PUM2: variants seen among roughly 807,000 people sequenced by gnomAD.
The protein encoded by PUM2 is pumilio RNA binding family member 2, also known as pumilio homolog 2.
A neutral mutation model predicts 124.5 loss-of-function variants in PUM2; 57 were observed. The observed-to-expected ratio is 0.46, with a 90% confidence interval of 0.37 to 0.57. The LOEUF is 0.57. Among genes scored for constraint, PUM2 ranks in the 20% least tolerant of loss-of-function variants. PUM2 has a pLI of 0.00. For synonymous variants in PUM2, 460 were observed against 446.1 expected (o/e 1.03, Z -0.39); for missense variants, 1,065 against 1,290.6 (o/e 0.83, Z 2.68).
chr2:20,308,565 G>T lies in PUM2; in HGVS notation c.538C>A (p.Gln180Lys). Residue 180 changes from glutamine to lysine, a missense_variant, in exon 6 of 21, where the codon CAA becomes AAA. This residue lies in a region of PUM2 where 968 missense variants were observed against 1,159.8 expected (regional missense o/e 0.83). Transcript: ENST00000361078. ...KDFNRTPGSRQASPTEVVERL... is the reference protein window; with the variant it reads ...KDFNRTPGSRKASPTEVVERL... ...TCAACTACTTCAGTTGGAGAGGCTT[G>T]ACGACTTCCAGGAGTACGACTACAT... The T allele has an allele frequency of 6.2e-7, 1 of 1,613,156 alleles. No individual in the cohort carries two copies. Among genetic ancestry groups the T allele is most frequent in the South Asian group, 1.1e-5 (1 of 90,948 alleles).
At chr2:20,319,367 A>C (rs1411852600) in intron 2 of PUM2, among the ~76,000 whole-genome samples, 1 of 152,198 alleles carries the variant, frequency 6.6e-6, no homozygotes, top group East Asian at 1.9e-4. Flanking sequence ...TGTTTGTTTG[A>C]GAAGAACAGA....
chr2:20,342,077 G>A (rs1236066933), intron 1 of PUM2, among the ~76,000 whole-genome samples: 2 of 150,342 alleles, frequency 1.3e-5, no homozygotes, highest in Non-Finnish European at 3.0e-5. Flanking sequence ...TGCATGGAGC[G>A]GAGATTGCGC....
At chr2:20,306,467 C>T (rs1678321695) in intron 7 of PUM2, among the ~76,000 whole-genome samples, 2 of 151,876 alleles carry the variant, frequency 1.3e-5, no homozygotes, top group South Asian at 4.2e-4. Context: ...CATGAATAGA[C>T]AGGTAGCAGT....
chr2:20,303,826 T>C (rs141508559), intron 7 of PUM2, among the ~76,000 whole-genome samples: 2 of 152,318 alleles, frequency 1.3e-5, no homozygotes, highest in African/African-American at 4.8e-5. Context: ...GACCATGAAA[T>C]GGCTCCTTTT....
intron 1 of PUM2, chr2:20,350,389 C>T (rs1478395881): frequency 5.8e-5 from 47 of 813,114 alleles, no homozygotes; most frequent in South Asian, 1.1e-4. Flanking sequence ...CGCGGCGCCC[C>T]CTCCCCCGCA....
At chr2:20,322,040 G>C (rs1254163905) in intron 2 of PUM2, among the ~76,000 whole-genome samples, 1 of 151,624 alleles carries the variant, frequency 6.6e-6, no homozygotes, top group Non-Finnish European at 1.5e-5. Flanking sequence ...CTATACTTCA[G>C]ACTTTTTAAA....
chr2:20,290,839 A>G, intron 9 of PUM2, 49 bp from the exon 10 acceptor site: 1 of 1,393,718 alleles, frequency 7.2e-7, no homozygotes, highest in Non-Finnish European at 9.5e-7. Flanking sequence ...ATAATAGATA[A>G]GTAAATTTAT....
At chr2:20,322,003 C>A (rs1031898030) in intron 2 of PUM2, among the ~76,000 whole-genome samples, 4 of 152,056 alleles carry the variant, frequency 2.6e-5, no homozygotes, top group Non-Finnish European at 5.9e-5. Flanking sequence ...AAAATAAACT[C>A]CCACTCAGGC....
chr2:20,341,784 T>C (rs1357542929), intron 1 of PUM2, among the ~76,000 whole-genome samples: 1 of 152,218 alleles, frequency 6.6e-6, no homozygotes, highest in African/African-American at 2.4e-5. Context: ...TTTCAATTGT[T>C]ACATGCTATC....
At chr2:20,266,346 A>G (rs1264210509) in intron 13 of PUM2, among the ~76,000 whole-genome samples, 1 of 151,816 alleles carries the variant, frequency 6.6e-6, no homozygotes, top group Non-Finnish European at 1.5e-5. Context: ...GGGGAGGGTG[A>G]GGTTGCGAGG....
rs774985208 is a variant in PUM2, at chr2:20,274,957, CAAAA to C, written c.1957+3622_1957+3625del. Among the ~76,000 whole-genome samples the C allele has an allele frequency of 0.016, 518 of 31,466 alleles. 75 individuals are homozygous for C. The East Asian group carries it at 0.17, about 10-fold the overall frequency. The allele number at this position is 31,466 out of a possible 152,430, so 20.6% of individuals were successfully genotyped here. On this transcript the variant is annotated intron_variant, in intron 13 of 20. Coordinates refer to ENST00000361078, the MANE Select transcript of PUM2 (RefSeq NM_015317.5). Reference sequence around the variant, plus strand: ...TTCTTCACAACAAGTGAAGTATCTCCAAAAAAAAAAAAAAAAAGATGCTTACTTC... The same window carrying C: ...TTCTTCACAACAAGTGAAGTATCTCCAAAAAAAAAAAAAGATGCTTACTTC...
At chr2:20,268,910 G>A (rs1350145189) in intron 13 of PUM2, among the ~76,000 whole-genome samples, 1 of 151,924 alleles carries the variant, frequency 6.6e-6, no homozygotes, top group African/African-American at 2.4e-5. Context: ...TACATCATTT[G>A]TAACACTGCT....
At chr2:20,280,125 G>A (rs1671154735) in intron 12 of PUM2, among the ~76,000 whole-genome samples, 2 of 152,062 alleles carry the variant, frequency 1.3e-5, no homozygotes, top group African/African-American at 4.8e-5. Context: ...CAAGGTAAGA[G>A]TATAATACAG....
chr2:20,251,215 T>G lies in PUM2; in HGVS notation c.*370A>C, dbSNP rs1418472328. 5.7e-6 allele frequency: 1 copy of G among 174,768 alleles called. No individual in the cohort carries two copies. Among genetic ancestry groups the G allele is most frequent in the Non-Finnish European group, 1.2e-5 (1 of 81,490 alleles). 10.8% of individuals were successfully genotyped at this position (174,768 alleles called of 1,614,324 possible). ...GTAGACCTACCAGACTGTGAGCCAG[T>G]TTATTAAAAGAATACTGTACTTTTT... On this transcript the variant is annotated 3_prime_UTR_variant, in exon 21 of 21. Coordinates refer to ENST00000361078, the MANE Select transcript of PUM2 (RefSeq NM_015317.5).
intron 1 of PUM2, among the ~76,000 whole-genome samples, chr2:20,333,566 C>G (rs1340651506): frequency 6.6e-6 from 1 of 152,010 alleles, no homozygotes; most frequent in Admixed American, 6.6e-5. Context: ...TGACAAATAT[C>G]TTGTGTAAAG....
intron 13 of PUM2, among the ~76,000 whole-genome samples, chr2:20,271,729 C>G (rs1250072567): frequency 1.3e-5 from 2 of 152,180 alleles, no homozygotes; most frequent in African/African-American, 4.8e-5. Context: ...GCCAATAACA[C>G]TGACATTCAA....
intron 7 of PUM2, among the ~76,000 whole-genome samples, chr2:20,299,000 ACCCTAC>A (rs1676321166): frequency 6.6e-6 from 1 of 152,196 alleles, no homozygotes; most frequent in Non-Finnish European, 1.5e-5. Context: ...TCCATGCCTC[ACCCTAC>A]CCAGCAGCTC....
chr2:20,291,592 TCTTTTCTTTCTTC>T (rs1281733182), intron 9 of PUM2, among the ~76,000 whole-genome samples: 2 of 152,222 alleles, frequency 1.3e-5, no homozygotes, highest in South Asian at 2.1e-4. Flanking sequence ...TTCTTCTTTT[TCTTTTCTTTCTTC>T]CTTTTCTTTC....
intron 7 of PUM2, among the ~76,000 whole-genome samples, chr2:20,303,303 G>T (rs560242352): frequency 3.3e-5 from 5 of 152,116 alleles, no homozygotes; most frequent in African/African-American, 1.2e-4. Context: ...TAATTTTCTG[G>T]TTTTTCTGGG....
Sources: gnomAD v4.1 joint callset for allele counts (sites outside exome capture counted in the v4.1 genomes callset) on GRCh38, gnomAD v4.1.1 for gene constraint, gnomAD v4.1.1 regional missense constraint, MANE v1.5 for transcripts, NCBI Gene and HGNC (gene_info 2026-07-23, HGNC 2026-07-21) for gene names.